Variants in GRM7 observed in about 807,000 individuals in gnomAD.
GRM7 encodes metabotropic glutamate receptor 7.
A neutral mutation model predicts 84.5 loss-of-function variants in GRM7; 35 were observed. The ratio of observed to expected loss-of-function variants is 0.41; its 90% CI spans 0.32 to 0.55. GRM7 has a LOEUF of 0.55. GRM7 is among the 20% of genes least tolerant of loss of function. GRM7 has a pLI of 0.19. For missense variants in GRM7, 1,003 were observed against 1,194.6 expected (o/e 0.84, Z 2.36); for synonymous variants, 487 against 455.1 (o/e 1.07, Z -0.89).
At chr3:7,232,982 G>A (rs568905183) in intron 2 of GRM7, among the ~76,000 whole-genome samples, 32 of 152,224 alleles carry the variant, frequency 2.1e-4, no homozygotes, top group East Asian at 7.7e-4. Context: ...TAAAGAGCTC[G>A]TCTGAACACA....
chr3:7,006,034 A>G (rs1194287591), intron 1 of GRM7, among the ~76,000 whole-genome samples: 1 of 152,172 alleles, frequency 6.6e-6, no homozygotes, highest in East Asian at 1.9e-4. Context: ...TAATGCCTCA[A>G]AAGAAAAATG....
intron 6 of GRM7, among the ~76,000 whole-genome samples, chr3:7,458,849 G>A (rs1698126368): frequency 6.6e-6 from 1 of 152,102 alleles, no homozygotes; most frequent in Non-Finnish European, 1.5e-5. Context: ...AGAAAAAGGT[G>A]AGTATCTCAA....
rs983134539 is a variant in GRM7, at chr3:7,677,286, A to C, written c.2452-2763A>C. Among the ~76,000 whole-genome samples, 18 of 150,354 alleles carry C rather than the reference A, an allele frequency of 1.2e-4. 1 individual carries two copies. The highest frequency in any genetic ancestry group is 2.2e-4 in the African/African-American group (9 of 40,356). On this transcript the variant is annotated intron_variant, in intron 8 of 9. Transcript: ENST00000357716. ...TTAAAAAAAAAAAAAAAAAAAAAAAAAAAAAAAACTTACATATTACTTATT... is the reference window on the plus strand; with the variant it reads ...TTAAAAAAAAAAAAAAAAAAAAAAACAAAAAAAACTTACATATTACTTATT...
intron 2 of GRM7, among the ~76,000 whole-genome samples, chr3:7,294,009 C>T (rs1699728268): frequency 6.6e-6 from 1 of 152,150 alleles, no homozygotes; most frequent in African/African-American, 2.4e-5. Flanking sequence ...TACATTTTAG[C>T]TTTATGAACA....
At chr3:7,450,419 T>C (rs1029781305) in intron 5 of GRM7, among the ~76,000 whole-genome samples, 1 of 152,116 alleles carries the variant, frequency 6.6e-6, no homozygotes, top group Non-Finnish European at 1.5e-5. Flanking sequence ...ACAAAACTCC[T>C]CCACTTCTCA....
At chr3:7,738,433 G>C (rs1702576075) in intron 9 of GRM7, among the ~76,000 whole-genome samples, 1 of 152,044 alleles carries the variant, frequency 6.6e-6, no homozygotes, top group East Asian at 1.9e-4. Context: ...TCTAAGTAAA[G>C]CATCAACGGA....
chr3:6,894,583 A>C (rs531716011), intron 1 of GRM7, among the ~76,000 whole-genome samples: 1 of 152,156 alleles, frequency 6.6e-6, no homozygotes, highest in Non-Finnish European at 1.5e-5. Context: ...GTGTGTATAT[A>C]TGTATATACA....
intron 2 of GRM7, among the ~76,000 whole-genome samples, chr3:7,257,913 G>A (rs531528076): frequency 1.3e-5 from 2 of 152,066 alleles, no homozygotes; most frequent in Non-Finnish European, 2.9e-5. Flanking sequence ...AAATTGCAGG[G>A]AATATTTTCC....
intron 2 of GRM7, among the ~76,000 whole-genome samples, chr3:7,166,718 G>A (rs113865390): frequency 1.9e-3 from 296 of 152,260 alleles, no homozygotes; most frequent in Non-Finnish European, 3.1e-3. Context: ...AACAGATGCC[G>A]CTTGATGGCA....
At chr3:7,337,079 C>A (rs550288464) in intron 4 of GRM7, among the ~76,000 whole-genome samples, 1 of 152,016 alleles carries the variant, frequency 6.6e-6, no homozygotes, top group Admixed American at 6.6e-5. Flanking sequence ...GGCACATAGA[C>A]CAATGGAACA....
chr3:7,157,645 GT>G (rs1250824395), intron 2 of GRM7, among the ~76,000 whole-genome samples: 1 of 151,774 alleles, frequency 6.6e-6, no homozygotes, highest in Non-Finnish European at 1.5e-5. Context: ...ATGGTTAAGA[GT>G]TTTTTACAGG....
intron 1 of GRM7, among the ~76,000 whole-genome samples, chr3:6,999,613 G>T (rs1332638502): frequency 6.6e-6 from 1 of 152,156 alleles, no homozygotes; most frequent in Non-Finnish European, 1.5e-5. Flanking sequence ...AGGCTTAATT[G>T]ACTCACAGTT....
intron 8 of GRM7, among the ~76,000 whole-genome samples, chr3:7,637,726 G>A (rs1698165021): frequency 6.6e-6 from 1 of 152,178 alleles, no homozygotes; most frequent in South Asian, 2.1e-4. Context: ...CTGAACAATG[G>A]TGTTGCCCTG....
At chr3:7,171,126 G>C (rs2125088192) in intron 2 of GRM7, among the ~76,000 whole-genome samples, 1 of 152,250 alleles carries the variant, frequency 6.6e-6, no homozygotes, top group East Asian at 1.9e-4. Flanking sequence ...TCACATTCCT[G>C]AAGTCTGGAA....
intron 1 of GRM7, among the ~76,000 whole-genome samples, chr3:7,117,649 C>A (rs1169995231): frequency 6.6e-5 from 10 of 152,092 alleles, no homozygotes; most frequent in African/African-American, 2.2e-4. Flanking sequence ...TCTCAGAGTG[C>A]AAAGACGGAA....
chr3:6,973,052 G>A (rs191075145), intron 1 of GRM7, among the ~76,000 whole-genome samples: 58 of 152,256 alleles, frequency 3.8e-4, no homozygotes, highest in African/African-American at 8.4e-4. Flanking sequence ...GGCATTTTAC[G>A]CCTTATTTTC....
At chr3:7,568,881 C>T (rs1343073800) in intron 7 of GRM7, among the ~76,000 whole-genome samples, 1 of 152,224 alleles carries the variant, frequency 6.6e-6, no homozygotes, top group East Asian at 1.9e-4. Flanking sequence ...CGCCCCCCCT[C>T]CATGGGCTCC....
intron 5 of GRM7, among the ~76,000 whole-genome samples, chr3:7,445,439 G>T (rs138657824): frequency 1.3e-5 from 2 of 152,260 alleles, no homozygotes; most frequent in East Asian, 3.9e-4. Flanking sequence ...ATCATGAAAA[G>T]TGCTTCCACA....
At chr3:6,915,131 G>A (rs549482967) in intron 1 of GRM7, among the ~76,000 whole-genome samples, 1 of 152,172 alleles carries the variant, frequency 6.6e-6, no homozygotes, top group East Asian at 1.9e-4. Context: ...CATTATAAAT[G>A]TATTCTTAAA....
Sources: gnomAD v4.1 joint callset for allele counts (sites outside exome capture counted in the v4.1 genomes callset) on GRCh38, gnomAD v4.1.1 for gene constraint, MANE v1.5 for transcripts, NCBI Gene and HGNC (gene_info 2026-07-23, HGNC 2026-07-21) for gene names.